TRIM26: variants seen among roughly 807,000 people sequenced by gnomAD.
TRIM26 encodes tripartite motif-containing protein 26.
A neutral mutation model predicts 45.5 loss-of-function variants in TRIM26; 16 were observed. The observed-to-expected ratio is 0.35, with a 90% CI of 0.24 to 0.53. The LOEUF is 0.53. Ranked by LOEUF, TRIM26 falls within the 20% of genes least tolerant of loss-of-function variation. TRIM26 has a pLI of 0.92. For synonymous variants in TRIM26, 273 were observed against 290.4 expected, an observed-to-expected ratio of 0.94 and a Z score of 0.61; for missense variants, 442 against 691.1, an observed-to-expected ratio of 0.64 and a Z score of 4.04.
intron 6 of TRIM26, among the ~76,000 whole-genome samples, chr6:30,193,147 TG>T (rs1776072791): frequency 1.7e-5 from 1 of 59,050 alleles, no homozygotes; most frequent in Non-Finnish European, 3.0e-5. Context: ...TGTGTGTGTG[TG>T]TGTGTGTGTG....
rs1775458724 is a variant in TRIM26 at position 30,188,505 on chromosome 6, TAAA to T, written c.937+659_937+661del. 1.5e-5 allele frequency: 4 copies of T among 265,672 alleles called. No homozygotes were observed. The East Asian group carries it at 2.9e-4, about 19-fold the overall frequency. 16.5% of individuals were successfully genotyped at this position (265,672 alleles called of 1,614,324 possible). A position where few individuals can be genotyped will look rare whatever the true frequency, so the allele number is the denominator to read the frequency against. The stretch of plus-strand genomic sequence containing the variant: ...TATTCACAGACAGCTCAGACATTAA[TAAA>T]GAAGCTACAACCACCTAAGGTTTAA... On this transcript the variant is annotated intron_variant, in intron 9 of 9. Coordinates refer to ENST00000454678, the MANE Select transcript of TRIM26 (RefSeq NM_003449.5).
chr6:30,213,140 C>G (rs1215983900), intron 1 of TRIM26, among the ~76,000 whole-genome samples, 165 bp downstream of exon 1: 1 of 152,208 alleles, frequency 6.6e-6, no homozygotes, highest in African/African-American at 2.4e-5. Context: ...CAGGAGGGAT[C>G]TGGCTGGCAG....
At position 30,196,145 on chromosome 6, in the gene TRIM26, A is replaced by C. The variant is rs377207865; in HGVS notation, c.765+371T>G. 4.6e-5 allele frequency among the ~76,000 whole-genome samples: 7 copies of C among 152,036 alleles called. No individual in the cohort carries two copies. Among genetic ancestry groups the C allele is most frequent in the African/African-American group, 1.7e-4 (7 of 41,396 alleles). On this transcript the variant is annotated intron_variant, in intron 6 of 9. Coordinates refer to ENST00000454678, the MANE Select transcript of TRIM26 (RefSeq NM_003449.5). This position sits in a 1 kb window ranked among gnomAD's most constrained non-coding sequence, Gnocchi z 4.9. ...AGCCCTCCCTCAGCCACCCCCAACCACAACACCATAAAAAGCTTCCACCAG... is the reference window on the plus strand; with the variant it reads ...AGCCCTCCCTCAGCCACCCCCAACCCCAACACCATAAAAAGCTTCCACCAG...
rs1229038067 is a variant in TRIM26 at position 30,190,586 on chromosome 6, T to G, written c.766-551A>C. Among the ~76,000 whole-genome samples, 1 of 152,164 alleles carries G rather than the reference T, an allele frequency of 6.6e-6. No individual in the cohort carries two copies. The highest frequency in any genetic ancestry group is 2.4e-5 in the African/African-American group (1 of 41,428). ...TGGTCAGGCGGCCACCTGGGAAGAC[T>G]ACATTTTCCAGATCCCCTACGACAA... On this transcript the variant is annotated intron_variant, in intron 6 of 9. Transcript: ENST00000454678. The surrounding 1 kb of genome is among the most constrained non-coding windows in gnomAD (Gnocchi z 4.3).
chr6:30,188,228 A>AAAAAAG, intron 9 of TRIM26: 1 of 203,758 alleles, frequency 4.9e-6, no homozygotes, highest in Non-Finnish European at 1.0e-5. Flanking sequence ...AAAAAAAAAA[A>AAAAAAG]AAAAAAAAAA....
intron 6 of TRIM26, among the ~76,000 whole-genome samples, chr6:30,191,455 A>C (rs1775829641): frequency 6.6e-6 from 1 of 151,514 alleles, no homozygotes; most frequent in Admixed American, 6.6e-5. Context: ...ACTTCTGTAG[A>C]GCTGACATTC....
chr6:30,196,356 C>T lies in TRIM26; in HGVS notation c.765+160G>A, dbSNP rs1776459821. ...CATGCCAGTTATTTCATTTTATGCT[C>T]ATGCAATCTACAGACTAATTGGCAG... is the stretch of plus-strand genomic sequence containing the variant. On this transcript the variant is annotated intron_variant, in intron 6 of 9. Transcript: ENST00000454678. This position sits in a 1 kb window ranked among gnomAD's most constrained non-coding sequence, Gnocchi z 4.9. Among the ~76,000 whole-genome samples, 1 of 152,220 alleles carries T rather than the reference C, an allele frequency of 6.6e-6. No individual in the cohort carries two copies. Among genetic ancestry groups the T allele is most frequent in the South Asian group, 2.1e-4 (1 of 4,832 alleles).
At chr6:30,205,493 G>A (rs1777633290) in intron 1 of TRIM26, among the ~76,000 whole-genome samples, 1 of 152,164 alleles carries the variant, frequency 6.6e-6, no homozygotes, top group African/African-American at 2.4e-5. Context: ...ATTTCAAGAT[G>A]TGGATGCATG....
chr6:30,192,308 G>T (rs1775934838), intron 6 of TRIM26, among the ~76,000 whole-genome samples: 1 of 152,164 alleles, frequency 6.6e-6, no homozygotes, highest in South Asian at 2.1e-4. Context: ...CTTCACGGGG[G>T]TGTACAGCAG....
At chr6:30,193,156 G>GTATATATA (rs1188383368) in intron 6 of TRIM26, among the ~76,000 whole-genome samples, 16 of 50,096 alleles carry the variant, frequency 3.2e-4, no homozygotes, top group East Asian at 5.2e-4. Flanking sequence ...GTGTGTGTGT[G>GTATATATA]TGTGTGTATA....
In TRIM26 at chr6:30,188,238, A is replaced by AAAAAAG. The variant is rs1562187137; in HGVS notation, c.937+928_937+929insCTTTTT. 4.2e-4 allele frequency: 84 copies of AAAAAAG among 198,450 alleles called. 2 individuals carry two copies. The highest frequency in any genetic ancestry group is 1.1e-3 in the African/African-American group (34 of 32,254). 12.3% of individuals were successfully genotyped at this position (198,450 alleles called of 1,614,324 possible). ...GTCTCAAAAAAAAAAAAAAAAAAAA[A>AAAAAAG]AAAAGAAATTTGGGACAGATGTGGC... On this transcript the variant is annotated intron_variant, in intron 9 of 9. Transcript: ENST00000454678.
At chr6:30,188,603 G>A in intron 9 of TRIM26, 1 of 230,630 alleles carries the variant, frequency 4.3e-6, no homozygotes. Context: ...GGCCTCGTTT[G>A]CTCCCAGACA....
At position 30,185,691 on chromosome 6, in the gene TRIM26, G is replaced by A. The variant is rs914160230; in HGVS notation, c.*185C>T. 68 of 677,956 alleles carry A rather than the reference G, an allele frequency of 1.0e-4. No individual in the cohort carries two copies. Among genetic ancestry groups the A allele is most frequent in the Non-Finnish European group, 1.5e-4 (63 of 406,524 alleles). 42.0% of individuals were successfully genotyped at this position (677,956 alleles called of 1,614,324 possible). A position where few individuals can be genotyped will look rare whatever the true frequency, so the allele number is the denominator to read the frequency against. ...GTGGGAAAAGAGCCCCATTAGGGCA[G>A]TAGATGGAGCAACAGCACTGAGTGA... On this transcript the variant is annotated 3_prime_UTR_variant, in exon 10 of 10. Transcript: ENST00000454678. The surrounding 1 kb of genome is among the most constrained non-coding windows in gnomAD (Gnocchi z 5.7).
chr6:30,207,368 C>T lies in TRIM26; in HGVS notation c.-375-2603G>A, dbSNP rs1188027985. 1.3e-5 allele frequency among the ~76,000 whole-genome samples: 2 copies of T among 152,200 alleles called. No homozygotes were observed. The highest frequency in any genetic ancestry group is 1.9e-4 in the East Asian group (1 of 5,200). ...AAACTCCCTGTCCTACCAGAACTTA[C>T]ATCCAGTGACCTGAGGAATCCTTTA... On this transcript the variant is annotated intron_variant, in intron 1 of 9. Coordinates refer to ENST00000454678, the MANE Select transcript of TRIM26 (RefSeq NM_003449.5). The surrounding 1 kb of genome is among the most constrained non-coding windows in gnomAD (Gnocchi z 4.9).
Position 30,190,940 on chromosome 6 carries a change from G to A in TRIM26, c.766-905C>T, listed in dbSNP as rs1466803028. Among the ~76,000 whole-genome samples, 1 of 152,156 alleles carries A rather than the reference G, an allele frequency of 6.6e-6. No individual in the cohort carries two copies. The highest frequency in any genetic ancestry group is 1.5e-5 in the Non-Finnish European group (1 of 68,034). On this transcript the variant is annotated intron_variant, in intron 6 of 9. Transcript: ENST00000454678. This position sits in a 1 kb window ranked among gnomAD's most constrained non-coding sequence, Gnocchi z 4.3. ...TCTGTTTGCGTCACTGTACAGCAGT[G>A]AGCCAAAACCCTAAGTGACCACTCA...
chr6:30,204,944 T>C (rs757272703), intron 1 of TRIM26, among the ~76,000 whole-genome samples, 179 bp from the exon 2 acceptor site: 4 of 151,968 alleles, frequency 2.6e-5, no homozygotes, highest in Non-Finnish European at 5.9e-5. Flanking sequence ...TTCTGTCTCT[T>C]CAATAAACCA....
In TRIM26 at chr6:30,198,884, G is replaced by A; in HGVS notation, c.220C>T (p.Leu74=). 6.2e-7 allele frequency: 1 copy of A among 1,612,904 alleles called. No homozygotes were observed. The highest frequency in any genetic ancestry group is 8.5e-7 in the Non-Finnish European group (1 of 1,179,916). The change falls in exon 4 of 10, where the codon CTG becomes TTG. Residue 74 remains leucine (L), a synonymous_variant. Coordinates refer to ENST00000454678, the MANE Select transcript of TRIM26 (RefSeq NM_003449.5). This position sits in a 1 kb window ranked among gnomAD's most constrained non-coding sequence, Gnocchi z 6.3. ...TTCAGCCGCTCAATGTTCTCCACCA[G>A]GCTGGCCAGTTGCCACACGGGTCGG... is the stretch of plus-strand genomic sequence containing the variant. ...NIRPVWQLAS[L]VENIERLKVD...
chr6:30,211,747 A>G (rs1467050394), intron 1 of TRIM26, among the ~76,000 whole-genome samples: 6 of 152,266 alleles, frequency 3.9e-5, no homozygotes, highest in African/African-American at 9.6e-5. Context: ...CCAAAGCCAC[A>G]GTAATTTGAG....
intron 3 of TRIM26, among the ~76,000 whole-genome samples, 157 bp from the exon 4 acceptor site, chr6:30,199,421 C>T (rs1477815563): frequency 6.6e-6 from 1 of 152,210 alleles, no homozygotes; most frequent in African/African-American, 2.4e-5. Flanking sequence ...GGGAGAGCCT[C>T]AACACCCTTT....
Sources: gnomAD v4.1 joint callset for allele counts (sites outside exome capture counted in the v4.1 genomes callset) on GRCh38, gnomAD v4.1.1 for gene constraint, Gnocchi (gnomAD v3.1) non-coding constraint, MANE v1.5 for transcripts, NCBI Gene and HGNC (gene_info 2026-07-23, HGNC 2026-07-21) for gene names.